GAD2: variants seen among roughly 807,000 people sequenced by gnomAD.
GAD2 encodes 65 kDa glutamic acid decarboxylase.
Under a neutral mutation model 80.1 loss-of-function variants are expected in GAD2, and 22 were observed. That is an observed-to-expected ratio of 0.27 (90% CI 0.20 to 0.39). The LOEUF is 0.39. Ranked by LOEUF, GAD2 falls within the 10% of genes least tolerant of loss-of-function variation. The probability of loss-of-function intolerance (pLI) is 1.00; values close to 1 mark genes in which losing one functional copy is unlikely to be tolerated. For missense variants in GAD2, 624 were observed against 738.4 expected (o/e 0.85, Z 1.80); for synonymous variants, 274 against 256.9 (o/e 1.07, Z -0.64).
intron 9 of GAD2, 37 bp from the exon 10 acceptor site, chr10:26,270,603 C>T: frequency 7.0e-7 from 1 of 1,421,808 alleles, no homozygotes; most frequent in East Asian, 2.3e-5. Flanking sequence ...ACCCTTGACT[C>T]TGTTTTCCAT....
chr10:26,245,372 TAAAATA>T (rs1425025634), intron 7 of GAD2, among the ~76,000 whole-genome samples: 1 of 148,826 alleles, frequency 6.7e-6, no homozygotes, highest in Non-Finnish European at 1.5e-5. Flanking sequence ...CCCTGGAACT[TAAAATA>T]AAAATAAAAA....
chr10:26,285,096 A>C (rs1382954467), intron 12 of GAD2, among the ~76,000 whole-genome samples: 1 of 152,146 alleles, frequency 6.6e-6, no homozygotes, highest in African/African-American at 2.4e-5. Flanking sequence ...TCTTCAAGTG[A>C]ATTTTCTTTT....
chr10:26,222,806 C>T (rs1028333976), intron 4 of GAD2, among the ~76,000 whole-genome samples: 2 of 152,236 alleles, frequency 1.3e-5, no homozygotes, highest in African/African-American at 4.8e-5. Context: ...CTGCTCTTCC[C>T]CATTGCCTTC....
chr10:26,246,091 G>A (rs1168791929), intron 8 of GAD2, 91 bp downstream of exon 8: 9 of 980,718 alleles, frequency 9.2e-6, no homozygotes, highest in Non-Finnish European at 1.4e-5. Context: ...GAGGACCACG[G>A]GGCAGCAAGT....
Position 26,303,491 on chromosome 10 carries a change from TGAA to T in GAD2, c.*2532_*2534del, listed in dbSNP as rs981333782. The T allele has an allele frequency of 4.2e-5, 2 of 47,724 alleles. No individual in the cohort carries two copies. Among genetic ancestry groups the T allele is most frequent in the Non-Finnish European group, 7.9e-5 (2 of 25,294 alleles). The allele number at this position is 47,724 out of a possible 1,614,324, so 3.0% of individuals were successfully genotyped here. A position where few individuals can be genotyped will look rare whatever the true frequency, so the allele number is the denominator to read the frequency against. On this transcript the variant is annotated 3_prime_UTR_variant, in exon 16 of 16. Coordinates refer to ENST00000376261, the MANE Select transcript of GAD2 (RefSeq NM_001134366.2). ...GGGAAGGAGGGAGGGAGGAAGGAAA[TGAA>T]GGGAGGGAGGGAGGGAGGAAAGAAG...
intron 8 of GAD2, among the ~76,000 whole-genome samples, chr10:26,262,598 T>C (rs1845022334): frequency 6.6e-6 from 1 of 152,174 alleles, no homozygotes; most frequent in South Asian, 2.1e-4. Flanking sequence ...CACTGTTGTT[T>C]CCCTAGCTTT....
chr10:26,261,629 A>G (rs8190702), intron 8 of GAD2, among the ~76,000 whole-genome samples: 223 of 152,322 alleles, frequency 1.5e-3, no homozygotes, highest in African/African-American at 5.1e-3. Context: ...TTCTTGTCCC[A>G]AATTTAATGG....
chr10:26,272,071 C>A (rs900533571), intron 10 of GAD2, among the ~76,000 whole-genome samples: 7 of 152,164 alleles, frequency 4.6e-5, no homozygotes, highest in Non-Finnish European at 7.4e-5. Flanking sequence ...CATTAATGTT[C>A]TTTTCTTTAG....
At chr10:26,268,942 G>T (rs1005982146) in intron 8 of GAD2, among the ~76,000 whole-genome samples, 177 bp from the exon 9 acceptor site, 1 of 152,198 alleles carries the variant, frequency 6.6e-6, no homozygotes, top group Non-Finnish European at 1.5e-5. Flanking sequence ...AGAAATGATA[G>T]TCATGCCTCA....
At chr10:26,233,962 C>T (rs1265493350) in intron 7 of GAD2, among the ~76,000 whole-genome samples, 1 of 152,090 alleles carries the variant, frequency 6.6e-6, no homozygotes, top group Non-Finnish European at 1.5e-5. Context: ...AAATGAGAGC[C>T]TTATAGAACT....
At position 26,234,078 on chromosome 10, in the gene GAD2, C is replaced by T. The variant is rs1312473578; in HGVS notation, c.840+4301C>T. Among the ~76,000 whole-genome samples the T allele has an allele frequency of 2.0e-5, 3 of 152,232 alleles. No individual in the cohort carries two copies. The South Asian group carries it at 6.2e-4, about 32-fold the overall frequency. ...GTGGCTCACGCCTGTAATCCCAGCA[C>T]TTTGGGAGGCTGAGGCAGGAGGATT... On this transcript the variant is annotated intron_variant, in intron 7 of 15. Coordinates refer to ENST00000376261, the MANE Select transcript of GAD2 (RefSeq NM_001134366.2).
At position 26,216,834 on chromosome 10, in the gene GAD2, T is replaced by C. The variant is rs867005104; in HGVS notation, c.25T>C (p.Trp9Arg). Residue 9 changes from tryptophan (W) to arginine (R), a missense_variant, in exon 1 of 16, where the codon TGG (tryptophan) becomes CGG (arginine). Coordinates refer to ENST00000376261, the MANE Select transcript of GAD2 (RefSeq NM_001134366.2). The surrounding 1 kb of genome is among the most constrained non-coding windows in gnomAD (Gnocchi z 4.7). MASPGSGF[W>R]SFGSEDGSGD... ...GATGGCATCTCCGGGCTCTGGCTTT[T>C]GGTCTTTCGGGTCGGAAGATGGCTC... is the stretch of plus-strand genomic sequence containing the variant. The C allele has an allele frequency of 6.2e-7, 1 of 1,612,858 alleles. No individual in the cohort carries two copies. The highest frequency in any genetic ancestry group is 8.5e-7 in the Non-Finnish European group (1 of 1,179,536).
At chr10:26,219,966 AT>A (rs1017562761) in intron 4 of GAD2, among the ~76,000 whole-genome samples, 3 of 152,058 alleles carry the variant, frequency 2.0e-5, no homozygotes, top group South Asian at 2.1e-4. Context: ...TTAGGGGGAA[AT>A]TTTTTTAAAT....
intron 7 of GAD2, among the ~76,000 whole-genome samples, chr10:26,232,468 ACT>A (rs1491271363): frequency 0.057 from 7,501 of 131,282 alleles, 227 homozygotes; most frequent in Non-Finnish European, 0.073. Context: ...AACTCAGTCT[ACT>A]TTTTTTTTTT....
chr10:26,219,966 A>AT (rs1017562761), intron 4 of GAD2, among the ~76,000 whole-genome samples: 19 of 152,058 alleles, frequency 1.2e-4, no homozygotes, highest in Non-Finnish European at 2.4e-4. Flanking sequence ...TTAGGGGGAA[A>AT]TTTTTTTAAA....
At chr10:26,244,528 T>G (rs1266588988) in intron 7 of GAD2, among the ~76,000 whole-genome samples, 1 of 152,222 alleles carries the variant, frequency 6.6e-6, no homozygotes, top group Non-Finnish European at 1.5e-5. Context: ...GGTATGTACA[T>G]GTAATAGAAT....
intron 15 of GAD2, among the ~76,000 whole-genome samples, chr10:26,299,585 T>C (rs1187574601): frequency 1.3e-5 from 2 of 152,058 alleles, no homozygotes; most frequent in Non-Finnish European, 2.9e-5. Context: ...AACTTAGGAA[T>C]CCCCCAACAT....
At chr10:26,234,338 CAAA>C (rs35871778) in intron 7 of GAD2, among the ~76,000 whole-genome samples, 10 of 126,352 alleles carry the variant, frequency 7.9e-5, no homozygotes, top group African/African-American at 2.7e-4. Flanking sequence ...AAAAAAAAGA[CAAA>C]AAAAAAAAAA....
intron 7 of GAD2, 69 bp from the exon 8 acceptor site, chr10:26,245,848 AAAAC>A (rs1844802403): frequency 4.1e-6 from 5 of 1,217,540 alleles, no homozygotes; most frequent in Admixed American, 3.9e-5. Flanking sequence ...AGGAAAACAG[AAAAC>A]AAACAGCCAG....
Sources: allele counts gnomAD v4.1 joint callset (sites outside exome capture counted in the v4.1 genomes callset), GRCh38; gene constraint gnomAD v4.1.1; non-coding constraint Gnocchi (gnomAD v3.1); transcripts MANE v1.5; gene names NCBI Gene and HGNC (gene_info 2026-07-23, HGNC 2026-07-21).